Variants in SMARCAL1 observed in about 807,000 individuals in gnomAD.
The protein encoded by SMARCAL1 is ATP-driven annealing helicase.
SMARCAL1 carries 58 observed loss-of-function variants against 94.5 expected under a neutral mutation model. That is an observed-to-expected ratio of 0.61 (90% CI 0.50 to 0.76). SMARCAL1 has a LOEUF of 0.76. SMARCAL1 is among the 30% of genes least tolerant of loss of function. The pLI, the probability that SMARCAL1 is intolerant of heterozygous loss-of-function variation, is 0.00. For missense variants in SMARCAL1, 1,051 were observed against 1,177.9 expected, an observed-to-expected ratio of 0.89 and a Z score of 1.58; for synonymous variants, 422 against 455.1, an observed-to-expected ratio of 0.93 and a Z score of 0.93.
intron 17 of SMARCAL1, among the ~76,000 whole-genome samples, chr2:216,480,058 GA>G (rs1268095868): frequency 4.6e-5 from 7 of 151,394 alleles, no homozygotes; most frequent in Non-Finnish European, 1.0e-4. Flanking sequence ...TCTCAAAAAA[GA>G]AAAAAAAGAA....
intron 7 of SMARCAL1, among the ~76,000 whole-genome samples, chr2:216,430,282 CTA>C (rs1406177903): frequency 2.6e-5 from 4 of 152,160 alleles, no homozygotes; most frequent in Non-Finnish European, 4.4e-5. Flanking sequence ...GCTGTCAATT[CTA>C]TGTTTTGTTT....
chr2:216,481,632 T>G (rs1473189191), intron 17 of SMARCAL1, among the ~76,000 whole-genome samples: 1 of 152,022 alleles, frequency 6.6e-6, no homozygotes, highest in Admixed American at 6.6e-5. Context: ...GCCTCCCAAA[T>G]AGCTGGGACT....
At chr2:216,478,056 A>G (rs1695126539) in intron 16 of SMARCAL1, 147 bp from the exon 17 acceptor site, 1 of 750,964 alleles carries the variant, frequency 1.3e-6, no homozygotes, top group African/African-American at 1.7e-5. Flanking sequence ...AAATTTTTCA[A>G]GATGGGTGTT....
At chr2:216,468,371 A>G (rs780069088) in intron 14 of SMARCAL1, among the ~76,000 whole-genome samples, 1 of 152,208 alleles carries the variant, frequency 6.6e-6, no homozygotes, top group Non-Finnish European at 1.5e-5. Context: ...TTTTGTATGG[A>G]GACAAGTATT....
chr2:216,420,974 C>G (rs1253870717), intron 5 of SMARCAL1, among the ~76,000 whole-genome samples: 2 of 152,192 alleles, frequency 1.3e-5, no homozygotes, highest in Non-Finnish European at 2.9e-5. Flanking sequence ...GGCCCCACTA[C>G]TGGAGTTTCT....
intron 11 of SMARCAL1, among the ~76,000 whole-genome samples, chr2:216,448,365 A>G (rs1694364811): frequency 6.6e-6 from 1 of 152,228 alleles, no homozygotes; most frequent in Admixed American, 6.5e-5. Context: ...TTTCTTGACT[A>G]TATGGGCCCA....
intron 5 of SMARCAL1, among the ~76,000 whole-genome samples, 181 bp from the exon 6 acceptor site, chr2:216,423,452 G>T (rs1693766941): frequency 6.6e-6 from 1 of 152,170 alleles, no homozygotes; most frequent in Non-Finnish European, 1.5e-5. Flanking sequence ...CAGTATACTG[G>T]GGAAGCCTCC....
chr2:216,455,847 G>A (rs1341036380), intron 12 of SMARCAL1, among the ~76,000 whole-genome samples: 3 of 152,238 alleles, frequency 2.0e-5, no homozygotes, highest in South Asian at 2.1e-4. Context: ...AAAGCTGGAC[G>A]GAGAATGACT....
At chr2:216,420,222 C>A in intron 4 of SMARCAL1, 77 bp from the exon 5 acceptor site, 2 of 1,207,566 alleles carry the variant, frequency 1.7e-6, no homozygotes, top group Admixed American at 2.0e-5. Flanking sequence ...CTTTCTCCCT[C>A]TTCCCTTGCC....
rs530957567 is a variant in SMARCAL1, at chr2:216,470,998, T to C, written c.2244+2952T>C. Among the ~76,000 whole-genome samples the C allele has an allele frequency of 2.0e-5, 3 of 152,250 alleles. No homozygotes were observed. In the East Asian group the frequency reaches 5.8e-4, roughly 29 times the overall value. ...TTCAGCCATGCTGGCCCCAGAGAGA[T>C]GGCCAGATGGTGGAATAGAATACAT... is the stretch of plus-strand genomic sequence containing the variant. On this transcript the variant is annotated intron_variant, in intron 14 of 17. Transcript: ENST00000357276.
intron 12 of SMARCAL1, 55 bp downstream of exon 12, chr2:216,451,119 C>T (rs1383695656): frequency 2.2e-6 from 3 of 1,385,786 alleles, no homozygotes; most frequent in Non-Finnish European, 3.1e-6. Flanking sequence ...GTGTTCCTTT[C>T]CATGAGAGGC....
chr2:216,436,532 C>T (rs1222481676), intron 9 of SMARCAL1, among the ~76,000 whole-genome samples: 2 of 152,204 alleles, frequency 1.3e-5, no homozygotes. Context: ...GAGAACCACA[C>T]TGTGTTCTTA....
chr2:216,472,662 G>GAAAAAAA, intron 14 of SMARCAL1, among the ~76,000 whole-genome samples: 1 of 145,894 alleles, frequency 6.9e-6, no homozygotes, highest in Non-Finnish European at 1.5e-5. Context: ...CTCCCAGTAG[G>GAAAAAAA]AAAAAAAAAA....
intron 14 of SMARCAL1, among the ~76,000 whole-genome samples, chr2:216,468,761 C>T (rs1418242550): frequency 6.6e-6 from 1 of 152,062 alleles, no homozygotes; most frequent in Admixed American, 6.6e-5. Flanking sequence ...TGCTGTGTTG[C>T]CCATGCTGGA....
At chr2:216,446,069 C>G (rs550376238) in intron 10 of SMARCAL1, among the ~76,000 whole-genome samples, 4 of 152,136 alleles carry the variant, frequency 2.6e-5, no homozygotes, top group Non-Finnish European at 4.4e-5. Context: ...AATTTTACGT[C>G]CAGTAATTTG....
rs756970860 is a variant in SMARCAL1 at position 216,465,771 on chromosome 2, G to A, written c.2141+1104G>A. Among the ~76,000 whole-genome samples the A allele has an allele frequency of 4.6e-5, 7 of 152,132 alleles. No homozygotes were observed. In the South Asian group the frequency reaches 6.2e-4, roughly 14 times the overall value. ...TGAAATTACAATGAGAATGGATTCC[G>A]TAGGGCTGAGTGGTGCCAGACTGGC... On this transcript the variant is annotated intron_variant, in intron 13 of 17. Coordinates refer to ENST00000357276, the MANE Select transcript of SMARCAL1 (RefSeq NM_014140.4).
intron 10 of SMARCAL1, among the ~76,000 whole-genome samples, chr2:216,439,828 G>A (rs985174070): frequency 2.0e-5 from 3 of 152,092 alleles, no homozygotes; most frequent in Admixed American, 1.3e-4. Context: ...TTGGGAGGCC[G>A]AGGCATGTGG....
intron 6 of SMARCAL1, among the ~76,000 whole-genome samples, chr2:216,426,446 G>C (rs1207142434): frequency 6.6e-6 from 1 of 152,088 alleles, no homozygotes; most frequent in Non-Finnish European, 1.5e-5. Flanking sequence ...TGCACATAAT[G>C]GCCACAAATA....
At chr2:216,465,511 C>T (rs1465623356) in intron 13 of SMARCAL1, among the ~76,000 whole-genome samples, 3 of 152,190 alleles carry the variant, frequency 2.0e-5, no homozygotes, top group Non-Finnish European at 4.4e-5. Context: ...GGCATATGGC[C>T]GTTGTCACGC....
Sources: allele counts gnomAD v4.1 joint callset (sites outside exome capture counted in the v4.1 genomes callset), GRCh38; gene constraint gnomAD v4.1.1; transcripts MANE v1.5; gene names NCBI Gene and HGNC (gene_info 2026-07-23, HGNC 2026-07-21).